VTI1A: variants seen among roughly 807,000 people sequenced by gnomAD.
VTI1A encodes vesicle transport through interaction with t-SNAREs 1A, also known as vesicle transport through interaction with t-SNAREs homolog 1A.
A neutral mutation model predicts 34.9 loss-of-function variants in VTI1A; 22 were observed. The observed-to-expected ratio is 0.63, with a 90% CI of 0.45 to 0.90. The LOEUF is 0.90. Ranked by LOEUF, VTI1A falls within the 40% of genes least tolerant of loss-of-function variation. VTI1A has a pLI of 0.00. For missense variants in VTI1A, 268 were observed against 275.6 expected (o/e 0.97, Z 0.20); for synonymous variants, 87 against 97.3 (o/e 0.89, Z 0.62).
At chr10:112,738,434 TC>T (rs1850575681) in intron 7 of VTI1A, among the ~76,000 whole-genome samples, 1 of 152,192 alleles carries the variant, frequency 6.6e-6, no homozygotes, top group Non-Finnish European at 1.5e-5. Context: ...GGCTAGGAGA[TC>T]CTTGAGGACG....
chr10:112,841,501 G>T, the VTI1A span, among the ~76,000 whole-genome samples: 2 of 152,198 alleles, frequency 1.3e-5, no homozygotes, highest in African/African-American at 4.8e-5. Flanking sequence ...GAAGAGGGGC[G>T]TTGGGAGCCA....
intron 7 of VTI1A, among the ~76,000 whole-genome samples, chr10:112,743,939 C>G (rs572322646): frequency 6.6e-6 from 1 of 152,106 alleles, no homozygotes; most frequent in African/African-American, 2.4e-5. Flanking sequence ...CTTATAAGAC[C>G]AAGTCTGCAG....
downstream of VTI1A, among the ~76,000 whole-genome samples, chr10:112,823,121 C>A (rs1045449405): frequency 2.0e-5 from 3 of 152,204 alleles, no homozygotes; most frequent in Non-Finnish European, 4.4e-5. Context: ...GTGGACAATG[C>A]TGTATGTTCA....
intron 5 of VTI1A, among the ~76,000 whole-genome samples, chr10:112,663,723 T>C (rs1847545379): frequency 6.6e-6 from 1 of 152,170 alleles, no homozygotes; most frequent in African/African-American, 2.4e-5. Flanking sequence ...AACCACTCCA[T>C]GATCAGATCC....
At chr10:112,656,258 G>A (rs890054359) in intron 5 of VTI1A, among the ~76,000 whole-genome samples, 1 of 152,114 alleles carries the variant, frequency 6.6e-6, no homozygotes, top group Non-Finnish European at 1.5e-5. Context: ...TTGGTGTTTA[G>A]GAGCTGTGGC....
intron 3 of VTI1A, among the ~76,000 whole-genome samples, chr10:112,478,139 T>G (rs1032474931): frequency 7.2e-5 from 11 of 152,214 alleles, no homozygotes; most frequent in African/African-American, 2.2e-4. Context: ...TATATATTAT[T>G]AGATTGCTAG....
At chr10:112,737,582 A>C in intron 7 of VTI1A, 5 of 1,048,588 alleles carry the variant, frequency 4.8e-6, no homozygotes, top group Non-Finnish European at 5.8e-6. Flanking sequence ...CAGGGACAGC[A>C]TGTAAGGTCT....
intron 5 of VTI1A, among the ~76,000 whole-genome samples, chr10:112,593,178 C>T (rs1444524525): frequency 6.6e-6 from 1 of 152,214 alleles, no homozygotes; most frequent in African/African-American, 2.4e-5. Context: ...CCTCGCTCAA[C>T]ATTAGAATGA....
intron 5 of VTI1A, among the ~76,000 whole-genome samples, chr10:112,641,830 A>C (rs1846586033): frequency 6.6e-6 from 1 of 152,148 alleles, no homozygotes; most frequent in Non-Finnish European, 1.5e-5. Context: ...GACCACATCA[A>C]GTTTCCAGTC....
chr10:112,721,350 A>G (rs191720149), intron 7 of VTI1A, among the ~76,000 whole-genome samples: 1 of 152,224 alleles, frequency 6.6e-6, no homozygotes, highest in African/African-American at 2.4e-5. Context: ...CCAACTTCAG[A>G]AGTAGAATAT....
chr10:112,667,031 C>G (rs1359736045), intron 5 of VTI1A, among the ~76,000 whole-genome samples: 1 of 152,010 alleles, frequency 6.6e-6, no homozygotes, highest in African/African-American at 2.4e-5. Flanking sequence ...ACAGCCAAAG[C>G]TCTCAATGTG....
intron 5 of VTI1A, among the ~76,000 whole-genome samples, chr10:112,655,110 A>G (rs1422003491): frequency 1.3e-5 from 2 of 152,206 alleles, no homozygotes; most frequent in Non-Finnish European, 2.9e-5. Context: ...TGGATACTTG[A>G]TAGAAATGCA....
At chr10:112,766,237 A>G (rs748451750) in intron 7 of VTI1A, among the ~76,000 whole-genome samples, 4 of 152,234 alleles carry the variant, frequency 2.6e-5, no homozygotes, top group Non-Finnish European at 5.9e-5. Flanking sequence ...ACACAAGTCA[A>G]AGTTTAAAAC....
chr10:112,690,837 T>C (rs1848586918), intron 7 of VTI1A, among the ~76,000 whole-genome samples: 2 of 152,206 alleles, frequency 1.3e-5, no homozygotes, highest in South Asian at 4.1e-4. Flanking sequence ...TGATTGTCTA[T>C]TATATGTGTG....
At chr10:112,812,508 A>T (rs1590208684) in intron 7 of VTI1A, among the ~76,000 whole-genome samples, 1 of 152,176 alleles carries the variant, frequency 6.6e-6, no homozygotes, top group Admixed American at 6.5e-5. Flanking sequence ...TTCCTCACAG[A>T]TGGGGCCCAC....
the VTI1A span, chr10:112,831,586 C>T: frequency 6.6e-6 from 1 of 152,158 alleles, no homozygotes; most frequent in East Asian, 1.9e-4. Context: ...AATTTGTACC[C>T]GCCGAGCCTC....
intron 1 of VTI1A, among the ~76,000 whole-genome samples, chr10:112,457,614 GA>G (rs1424824325): frequency 6.6e-6 from 1 of 152,186 alleles, no homozygotes; most frequent in East Asian, 1.9e-4. Flanking sequence ...GGGATTAAAG[GA>G]TTGAAGGCCT....
intron 5 of VTI1A, among the ~76,000 whole-genome samples, chr10:112,570,932 T>C (rs1285791537): frequency 1.3e-5 from 2 of 152,264 alleles, no homozygotes; most frequent in African/African-American, 2.4e-5. Context: ...ACATAGATTA[T>C]TTCATTTAAT....
At chr10:112,844,544 G>A in the VTI1A span, among the ~76,000 whole-genome samples, 1 of 152,158 alleles carries the variant, frequency 6.6e-6, no homozygotes, top group Non-Finnish European at 1.5e-5. Context: ...GATTACAGGT[G>A]CCCACCACCA....
Sources: gnomAD v4.1 joint callset for allele counts (sites outside exome capture counted in the v4.1 genomes callset) on GRCh38, gnomAD v4.1.1 for gene constraint, MANE v1.5 for transcripts, NCBI Gene and HGNC (gene_info 2026-07-23, HGNC 2026-07-21) for gene names.